Variants in PTPRR observed in about 807,000 individuals in gnomAD.
The protein encoded by PTPRR is protein tyrosine phosphatase receptor type R.
In PTPRR, 38 loss-of-function variants were observed where a neutral mutation model predicts 77.2. The ratio of observed to expected loss-of-function variants is 0.49; its 90% CI spans 0.38 to 0.65. The LOEUF is 0.65. Among genes scored for constraint, PTPRR ranks in the 30% least tolerant of loss-of-function variants. The probability of loss-of-function intolerance (pLI) is 0.00; values close to 1 mark genes in which losing one functional copy is unlikely to be tolerated. For missense variants in PTPRR, 744 were observed against 799.2 expected, an observed-to-expected ratio of 0.93 and a Z score of 0.83; for synonymous variants, 299 against 283.1, an observed-to-expected ratio of 1.06 and a Z score of -0.57.
intron 2 of PTPRR, among the ~76,000 whole-genome samples, chr12:70,858,344 A>C (rs1892688498): frequency 6.6e-6 from 1 of 152,156 alleles, no homozygotes; most frequent in East Asian, 1.9e-4. Context: ...GTCTTGTAGG[A>C]TGGACACTGA....
At chr12:70,642,420 C>T (rs1378569807) in intron 13 of PTPRR, among the ~76,000 whole-genome samples, 3 of 152,196 alleles carry the variant, frequency 2.0e-5, no homozygotes, top group Non-Finnish European at 4.4e-5. Context: ...TTTCTCACTC[C>T]CAGCGTTGTG....
At chr12:70,767,290 C>T (rs1432110541) in intron 2 of PTPRR, among the ~76,000 whole-genome samples, 3 of 151,698 alleles carry the variant, frequency 2.0e-5, no homozygotes, top group Non-Finnish European at 4.4e-5. Context: ...CAGAGACACA[C>T]ATAGGCTCAA....
At chr12:70,857,531 T>C (rs990516357) in intron 2 of PTPRR, among the ~76,000 whole-genome samples, 1 of 152,182 alleles carries the variant, frequency 6.6e-6, no homozygotes, top group Non-Finnish European at 1.5e-5. Flanking sequence ...GTGATTATTT[T>C]AGCTTGCACA....
intron 10 of PTPRR, 142 bp from the exon 11 acceptor site, chr12:70,662,747 A>G (rs1396898281): frequency 1.9e-6 from 1 of 532,222 alleles, no homozygotes; most frequent in East Asian, 3.0e-5. Context: ...TAAATATACT[A>G]AAACCATTGA....
chr12:70,865,376 C>G (rs192148057), intron 2 of PTPRR, among the ~76,000 whole-genome samples: 4 of 107,486 alleles, frequency 3.7e-5, no homozygotes, highest in Admixed American at 2.7e-4. Flanking sequence ...CATTAAGGAA[C>G]TGATATACTT....
intron 8 of PTPRR, among the ~76,000 whole-genome samples, chr12:70,693,483 A>G (rs1362714578): frequency 1.3e-5 from 2 of 151,938 alleles, no homozygotes; most frequent in Non-Finnish European, 2.9e-5. Flanking sequence ...TTTTTGGTAG[A>G]GATGAGGTTT....
Position 70,639,069 on chromosome 12 carries a change from A to T in PTPRR, c.*115T>A. On this transcript the variant is annotated 3_prime_UTR_variant, in exon 14 of 14. Coordinates refer to ENST00000283228, the MANE Select transcript of PTPRR (RefSeq NM_002849.4). Reference sequence around the variant, plus strand: ...CAGTCTTCCACAATCCATGCCATACATGGGCTTCAGAGCTTCTCCTTCCTT... The same window carrying T: ...CAGTCTTCCACAATCCATGCCATACTTGGGCTTCAGAGCTTCTCCTTCCTT... 1.2e-6 allele frequency: 1 copy of T among 833,910 alleles called. No individual in the cohort carries two copies. The highest frequency in any genetic ancestry group is 1.9e-6 in the Non-Finnish European group (1 of 516,894). The allele number at this position is 833,910 out of a possible 1,614,324, so 51.7% of individuals were successfully genotyped here.
chr12:70,766,532 G>A (rs147422490), intron 2 of PTPRR, among the ~76,000 whole-genome samples: 1,742 of 152,106 alleles, frequency 0.011, 30 homozygotes, highest in African/African-American at 0.04. Flanking sequence ...CCAAATCTAC[G>A]TCTGATTGGT....
intron 6 of PTPRR, 116 bp from the exon 7 acceptor site, chr12:70,701,439 C>A: frequency 2.3e-6 from 2 of 875,210 alleles, no homozygotes; most frequent in East Asian, 2.7e-5. Context: ...TAACAACCAA[C>A]TATATTTTCT....
chr12:70,647,475 C>T (rs1354593398), intron 13 of PTPRR, among the ~76,000 whole-genome samples: 1 of 152,226 alleles, frequency 6.6e-6, no homozygotes, highest in Non-Finnish European at 1.5e-5. Flanking sequence ...AACTGAGACA[C>T]TGCATCTCTC....
intron 9 of PTPRR, 126 bp downstream of exon 9, chr12:70,684,578 C>A (rs1887790959): frequency 1.4e-6 from 1 of 729,140 alleles, no homozygotes; most frequent in Non-Finnish European, 2.3e-6. Flanking sequence ...GATAAAAAAC[C>A]AAACAAAATG....
At chr12:70,864,594 T>C (rs141527247) in intron 2 of PTPRR, among the ~76,000 whole-genome samples, 92 of 152,318 alleles carry the variant, frequency 6.0e-4, no homozygotes, top group African/African-American at 2.2e-3. Flanking sequence ...ACATATTTGT[T>C]AATATTCCAT....
intron 7 of PTPRR, among the ~76,000 whole-genome samples, chr12:70,699,473 A>C (rs1018178661): frequency 6.6e-6 from 1 of 152,066 alleles, no homozygotes; most frequent in Non-Finnish European, 1.5e-5. Flanking sequence ...TAGAGATGGG[A>C]TCTCACTCTG....
At chr12:70,820,526 A>G (rs1891988512) in intron 2 of PTPRR, among the ~76,000 whole-genome samples, 2 of 152,028 alleles carry the variant, frequency 1.3e-5, no homozygotes, top group Non-Finnish European at 2.9e-5. Flanking sequence ...GTAGCGACGG[A>G]GTTTCACCAT....
rs147439062 is a variant in PTPRR at position 70,812,669 on chromosome 12, C to T, written c.358-47891G>A. On this transcript the variant is annotated intron_variant, in intron 2 of 13. Coordinates refer to ENST00000283228, the MANE Select transcript of PTPRR (RefSeq NM_002849.4). ...CTTGGCAATCTGTCACAGTGAACTC[C>T]GCTGGTAGCTTGAGAAGCAGTTCGA... Among the ~76,000 whole-genome samples the T allele has an allele frequency of 2.6e-4, 39 of 152,272 alleles. No individual in the cohort carries two copies. In the East Asian group the frequency reaches 6.0e-3, roughly 23 times the overall value.
chr12:70,863,511 T>C (rs1018266691), intron 2 of PTPRR, among the ~76,000 whole-genome samples: 7 of 152,154 alleles, frequency 4.6e-5, no homozygotes, highest in Non-Finnish European at 1.0e-4. Context: ...TTATACAGAT[T>C]ATACCTACTT....
intron 12 of PTPRR, among the ~76,000 whole-genome samples, chr12:70,658,477 T>C (rs1221165932): frequency 6.6e-6 from 1 of 152,186 alleles, no homozygotes; most frequent in East Asian, 1.9e-4. Flanking sequence ...AGAAATAGGA[T>C]TGGAACTGTG....
Position 70,698,350 on chromosome 12 carries a change from C to T in PTPRR, c.1195-1G>A. 6.2e-7 allele frequency: 1 copy of T among 1,610,872 alleles called. No homozygotes were observed. The highest frequency in any genetic ancestry group is 8.5e-7 in the Non-Finnish European group (1 of 1,177,840). On this transcript the variant is annotated splice_acceptor_variant, in intron 7 of 13. Transcript: ENST00000283228. LOFTEE classifies it high-confidence loss of function. The stretch of plus-strand genomic sequence containing the variant: ...GATCCACAAAGTTCATTGGTATTTC[C>T]TGCAAAAATAAATAATATCAAATTA...
chr12:70,670,959 G>T (rs1480837689), intron 10 of PTPRR, among the ~76,000 whole-genome samples: 2 of 152,234 alleles, frequency 1.3e-5, no homozygotes, highest in Non-Finnish European at 2.9e-5. Flanking sequence ...TTGAGGTCAT[G>T]AGAATATTGG....
Sources: gnomAD v4.1 joint callset for allele counts (sites outside exome capture counted in the v4.1 genomes callset) on GRCh38, gnomAD v4.1.1 for gene constraint, MANE v1.5 for transcripts, NCBI Gene and HGNC (gene_info 2026-07-23, HGNC 2026-07-21) for gene names.